KIAA1328: variants seen among roughly 807,000 people sequenced by gnomAD.
KIAA1328 encodes KIAA1328, also known as protein hinderin.
A neutral mutation model predicts 68.1 loss-of-function variants in KIAA1328; 52 were observed. That is an observed-to-expected ratio of 0.76 (90% CI 0.61 to 0.96). The LOEUF is 0.96. KIAA1328 is among the 40% of genes least tolerant of loss of function. The pLI is 0.00. For missense variants in KIAA1328, 641 were observed against 677.6 expected, an observed-to-expected ratio of 0.95 and a Z score of 0.60; for synonymous variants, 232 against 239.4, an observed-to-expected ratio of 0.97 and a Z score of 0.28.
intron 6 of KIAA1328, among the ~76,000 whole-genome samples, chr18:37,018,787 A>ATT (rs34405983): frequency 6.6e-6 from 1 of 151,092 alleles, no homozygotes; most frequent in African/African-American, 2.4e-5. Flanking sequence ...GCACTGAATG[A>ATT]TTTTTTTTTT....
chr18:37,160,279 G>A lies in KIAA1328; in HGVS notation c.1312G>A (p.Gly438Arg). The A allele has an allele frequency of 6.2e-7, 1 of 1,613,664 alleles. No individual in the cohort carries two copies. Among genetic ancestry groups the A allele is most frequent in the Non-Finnish European group, 8.5e-7 (1 of 1,179,738 alleles). ...IKKHQDPPNS[G>R]ENRKERKTVG... ...AAAGCACCAAGACCCCCCAAACAGT[G>A]GAGAGAATAGGAAGGAGAGGAAGAC... is the stretch of plus-strand genomic sequence containing the variant. Residue 438 changes from glycine (G) to arginine (R), a missense_variant, in exon 8 of 10, where the codon GGA becomes AGA. Physicochemically the swap from Gly to Arg is moderately radical, Grantham distance 125. Coordinates refer to ENST00000280020, the MANE Select transcript of KIAA1328 (RefSeq NM_020776.3).
At position 36,955,742 on chromosome 18, in the gene KIAA1328, A is replaced by T. The variant is rs896899303; in HGVS notation, c.449-3566A>T. On this transcript the variant is annotated intron_variant, in intron 5 of 9. Transcript: ENST00000280020. ...AAAATGGGGTTCAGCCATTTTTCCAAGGAATCTTGGCTCCAAAAAAGGAGA... is the reference window on the plus strand; with the variant it reads ...AAAATGGGGTTCAGCCATTTTTCCATGGAATCTTGGCTCCAAAAAAGGAGA... The T allele has an allele frequency of 5.3e-5, 8 of 151,304 alleles. No homozygotes were observed. The Admixed American group carries it at 5.3e-4, about 10-fold the overall frequency. 9.4% of individuals were successfully genotyped at this position (151,304 alleles called of 1,614,324 possible).
chr18:36,832,745 G>A (rs2046536158), intron 1 of KIAA1328: 2 of 151,628 alleles, frequency 1.3e-5, no homozygotes, highest in South Asian at 4.2e-4. Flanking sequence ...GTACAACACT[G>A]AACAAAATAA....
chr18:37,129,412 C>T (rs1407436506), intron 7 of KIAA1328, among the ~76,000 whole-genome samples: 1 of 152,104 alleles, frequency 6.6e-6, no homozygotes, highest in Non-Finnish European at 1.5e-5. Flanking sequence ...AAACAAACAG[C>T]GTAGCAATAT....
rs1422802110 is a variant in KIAA1328, at chr18:37,147,645, A to C, written c.1233-12555A>C. ...ACTCCTTCTTTGTACATTTCACTGA[A>C]GCTTGATTTTGGTCTTTGTTAGAGA... is the stretch of plus-strand genomic sequence containing the variant. On this transcript the variant is annotated intron_variant, in intron 7 of 9. Coordinates refer to ENST00000280020, the MANE Select transcript of KIAA1328 (RefSeq NM_020776.3). Among the ~76,000 whole-genome samples, 5 of 152,218 alleles carry C rather than the reference A, an allele frequency of 3.3e-5. No homozygotes were observed. In the East Asian group the frequency reaches 7.7e-4, roughly 24 times the overall value.
At chr18:36,934,844 T>C (rs539721487) in intron 5 of KIAA1328, among the ~76,000 whole-genome samples, 2 of 152,372 alleles carry the variant, frequency 1.3e-5, no homozygotes, top group African/African-American at 4.8e-5. Flanking sequence ...GCTTCGTCTT[T>C]GTTACCTCTA....
chr18:37,224,814 C>A lies in KIAA1328; in HGVS notation c.*2587C>A. The A allele has an allele frequency of 1.0e-6, 1 of 985,468 alleles. No individual in the cohort carries two copies. Among genetic ancestry groups the A allele is most frequent in the African/African-American group, 1.7e-5 (1 of 57,338 alleles). The allele number at this position is 985,468 out of a possible 1,614,324, so 61.0% of individuals were successfully genotyped here. A position where few individuals can be genotyped will look rare whatever the true frequency, so the allele number is the denominator to read the frequency against. On this transcript the variant is annotated 3_prime_UTR_variant, in exon 10 of 10. Transcript: ENST00000280020. ...GAGGGCGTTGCGGATAGTGCCTCAC[C>A]ATTGCCCACCCTGCTGCCCAACTCC... is the stretch of plus-strand genomic sequence containing the variant.
At chr18:36,998,161 C>T (rs2053462539) in intron 6 of KIAA1328, among the ~76,000 whole-genome samples, 1 of 152,186 alleles carries the variant, frequency 6.6e-6, no homozygotes, top group Admixed American at 6.5e-5. Flanking sequence ...AGACAGAGCA[C>T]ATAGCTTAGG....
intron 6 of KIAA1328, among the ~76,000 whole-genome samples, chr18:36,979,591 A>G (rs1210859665): frequency 6.6e-6 from 1 of 152,170 alleles, no homozygotes; most frequent in Admixed American, 6.5e-5. Context: ...AGGAACTGCA[A>G]TATATAATAT....
At chr18:37,020,718 T>C (rs1278607297) in intron 6 of KIAA1328, among the ~76,000 whole-genome samples, 2 of 152,202 alleles carry the variant, frequency 1.3e-5, no homozygotes, top group East Asian at 3.8e-4. Flanking sequence ...AGAAGGTGTA[T>C]GGATCACCTT....
At chr18:36,902,139 A>G (rs1265264012) in intron 5 of KIAA1328, 1 of 151,856 alleles carries the variant, frequency 6.6e-6, no homozygotes, top group African/African-American at 2.4e-5. Context: ...CAGACCGGAC[A>G]TCATATGAAA....
At chr18:37,143,968 T>C (rs1415854430) in intron 7 of KIAA1328, among the ~76,000 whole-genome samples, 1 of 152,172 alleles carries the variant, frequency 6.6e-6, no homozygotes, top group Non-Finnish European at 1.5e-5. Context: ...TTCCTCCTCT[T>C]CTATATACTG....
intron 8 of KIAA1328, among the ~76,000 whole-genome samples, chr18:37,169,057 G>A (rs2059444343): frequency 6.6e-6 from 1 of 151,678 alleles, no homozygotes; most frequent in Non-Finnish European, 1.5e-5. Context: ...TTATGTAAAT[G>A]CATTCACATA....
At chr18:37,120,703 T>A (rs1422605633) in intron 7 of KIAA1328, among the ~76,000 whole-genome samples, 1 of 152,160 alleles carries the variant, frequency 6.6e-6, no homozygotes, top group Non-Finnish European at 1.5e-5. Flanking sequence ...TGAAGTAGTT[T>A]TCTATTCTGA....
In KIAA1328 at chr18:36,968,412, G is replaced by A. The variant is rs539473029; in HGVS notation, c.576+8977G>A. Among the ~76,000 whole-genome samples, 5 of 152,130 alleles carry A rather than the reference G, an allele frequency of 3.3e-5. No individual in the cohort carries two copies. The South Asian group carries it at 1.0e-3, about 32-fold the overall frequency. On this transcript the variant is annotated intron_variant, in intron 6 of 9. Transcript: ENST00000280020. The stretch of plus-strand genomic sequence containing the variant: ...TGACACCCGTAGGCTAAAAATAAAG[G>A]GATGGAGAAAAATCTACCAAGCAAA...
At chr18:37,160,934 A>T (rs553074860) in intron 8 of KIAA1328, among the ~76,000 whole-genome samples, 44 of 152,216 alleles carry the variant, frequency 2.9e-4, no homozygotes, top group Non-Finnish European at 4.1e-4. Flanking sequence ...TTAAATGTTG[A>T]GTGAAGCAAA....
At chr18:37,103,898 C>T (rs1223717144) in intron 7 of KIAA1328, among the ~76,000 whole-genome samples, 2 of 151,606 alleles carry the variant, frequency 1.3e-5, no homozygotes, top group African/African-American at 4.8e-5. Flanking sequence ...AAACAGATGG[C>T]CATCAGATAC....
downstream of KIAA1328, chr18:37,229,515 A>C (rs1432854681): frequency 3.2e-6 from 4 of 1,241,978 alleles, no homozygotes; most frequent in Non-Finnish European, 4.1e-6. Flanking sequence ...CAGACTCAGA[A>C]ACTGGGGTGG....
intron 6 of KIAA1328, among the ~76,000 whole-genome samples, chr18:36,992,670 G>T (rs183168628): frequency 1.3e-5 from 2 of 152,224 alleles, no homozygotes; most frequent in Non-Finnish European, 2.9e-5. Context: ...AAACAGCTCA[G>T]ATTCTTCTGT....
Sources: allele counts gnomAD v4.1 joint callset (sites outside exome capture counted in the v4.1 genomes callset), GRCh38; gene constraint gnomAD v4.1.1; transcripts MANE v1.5; gene names NCBI Gene and HGNC (gene_info 2026-07-23, HGNC 2026-07-21).